PDE1A: variants seen among roughly 807,000 people sequenced by gnomAD.
PDE1A encodes the protein dual specificity calcium/calmodulin-dependent 3',5'-cyclic nucleotide phosphodiesterase 1A.
PDE1A carries 35 observed loss-of-function variants against 61.7 expected under a neutral mutation model. That is an observed-to-expected ratio of 0.57 (90% CI 0.43 to 0.75). PDE1A has a LOEUF of 0.75. Among genes scored for constraint, PDE1A ranks in the 30% least tolerant of loss-of-function variants. The pLI, the probability that PDE1A is intolerant of heterozygous loss-of-function variation, is 0.00. For synonymous variants in PDE1A, 232 were observed against 213.2 expected (o/e 1.09, Z -0.77); for missense variants, 597 against 630.6 (o/e 0.95, Z 0.57).
At chr2:182,312,577 A>G (rs1055258036) in intron 1 of PDE1A, among the ~76,000 whole-genome samples, 1 of 152,122 alleles carries the variant, frequency 6.6e-6, no homozygotes, top group Non-Finnish European at 1.5e-5. Flanking sequence ...CTCTCCACTG[A>G]ATTGCCTTTG....
At chr2:182,140,773 C>T (rs906485145) in exon 15 of PDE1A, 2 of 152,070 alleles carry the variant, frequency 1.3e-5, no homozygotes, top group African/African-American at 4.8e-5. Flanking sequence ...TCCACTCTGA[C>T]TTTCTACTAA....
chr2:182,185,573 A>G (rs1457083077), intron 13 of PDE1A, among the ~76,000 whole-genome samples: 2 of 152,192 alleles, frequency 1.3e-5, no homozygotes, highest in Admixed American at 1.3e-4. Flanking sequence ...GCTGGAAAGC[A>G]CCTCTACGAA....
exon 1 of PDE1A, chr2:182,426,651 T>G: frequency 6.8e-6 from 11 of 1,612,418 alleles, no homozygotes; most frequent in Non-Finnish European, 9.3e-6. Context: ...AGGTTTAACT[T>G]CTTCCTGGAA....
chr2:182,201,621 G>C, intron 9 of PDE1A, 62 bp from the exon 10 acceptor site: 1 of 1,430,786 alleles, frequency 7.0e-7, no homozygotes, highest in African/African-American at 1.5e-5. Flanking sequence ...AGTCTTTTCT[G>C]AGGCCAAGCC....
At chr2:182,704,772 T>C in the PDE1A span, among the ~76,000 whole-genome samples, 16 of 152,208 alleles carry the variant, frequency 1.1e-4, no homozygotes, top group Admixed American at 3.3e-4. Flanking sequence ...CAATCTACTG[T>C]GGTATCACAC....
intron 2 of PDE1A, among the ~76,000 whole-genome samples, chr2:182,258,812 TG>T (rs767887559): frequency 6.6e-6 from 1 of 152,208 alleles, no homozygotes; most frequent in African/African-American, 2.4e-5. Context: ...TTACTCCCTC[TG>T]GTTATCAGTT....
intron 1 of PDE1A, among the ~76,000 whole-genome samples, chr2:182,374,661 CTAGAA>C (rs1304358087): frequency 2.0e-5 from 3 of 152,136 alleles, no homozygotes; most frequent in African/African-American, 7.2e-5. Context: ...GAACATGATA[CTAGAA>C]TAAACACTTC....
the PDE1A span, among the ~76,000 whole-genome samples, chr2:182,586,916 T>G: frequency 2.6e-5 from 4 of 152,200 alleles, no homozygotes; most frequent in Non-Finnish European, 5.9e-5. Flanking sequence ...AGTAATCTGT[T>G]AATTATAATT....
At chr2:182,636,204 C>T in the PDE1A span, among the ~76,000 whole-genome samples, 139 of 152,058 alleles carry the variant, frequency 9.1e-4, no homozygotes, top group Non-Finnish European at 1.7e-3. Context: ...GTGATCTACC[C>T]GCCTCAGCCT....
At chr2:182,255,502 C>T (rs959818733) in intron 2 of PDE1A, among the ~76,000 whole-genome samples, 44 of 152,088 alleles carry the variant, frequency 2.9e-4, no homozygotes, top group Non-Finnish European at 1.5e-4. Flanking sequence ...ACTCTTGCAG[C>T]GCATTTACCC....
At chr2:182,700,739 A>AAAAAAAAAAAAAAAAAAG in the PDE1A span, among the ~76,000 whole-genome samples, 1 of 142,478 alleles carries the variant, frequency 7.0e-6, no homozygotes. Context: ...AAAAAAAAAA[A>AAAAAAAAAAAAAAAAAAG]ACAGAAAGAA....
intron 2 of PDE1A, among the ~76,000 whole-genome samples, chr2:182,436,466 C>T (rs1297335751): frequency 6.6e-6 from 1 of 151,938 alleles, no homozygotes; most frequent in Non-Finnish European, 1.5e-5. Flanking sequence ...TTTATTGCAT[C>T]ATCTACTGCA....
the PDE1A span, among the ~76,000 whole-genome samples, chr2:182,576,135 A>T: frequency 6.6e-6 from 1 of 151,958 alleles, no homozygotes; most frequent in Admixed American, 6.6e-5. Context: ...TCAAATTGTC[A>T]TATAATCATT....
chr2:182,369,501 G>A (rs546144864), intron 1 of PDE1A, among the ~76,000 whole-genome samples: 2 of 152,092 alleles, frequency 1.3e-5, no homozygotes, highest in Non-Finnish European at 2.9e-5. Context: ...AGGGGGAAAC[G>A]TTTCATGGTA....
intron 1 of PDE1A, among the ~76,000 whole-genome samples, chr2:182,360,939 A>C (rs1699468098): frequency 6.6e-6 from 1 of 152,072 alleles, no homozygotes; most frequent in Non-Finnish European, 1.5e-5. Flanking sequence ...TTATCTGTAA[A>C]CAGGAATAAT....
intron 1 of PDE1A, among the ~76,000 whole-genome samples, chr2:182,346,280 A>C (rs1409364471): frequency 6.6e-6 from 1 of 152,204 alleles, no homozygotes; most frequent in Non-Finnish European, 1.5e-5. Context: ...ATTTTAGCTT[A>C]TTCTATGGTT....
chr2:182,388,918 A>G (rs951172523), intron 1 of PDE1A, among the ~76,000 whole-genome samples: 1 of 152,144 alleles, frequency 6.6e-6, no homozygotes, highest in Non-Finnish European at 1.5e-5. Flanking sequence ...TAAGAAAAAA[A>G]GAGAGAAAAC....
chr2:182,280,401 G>T (rs191364019), intron 1 of PDE1A, among the ~76,000 whole-genome samples: 6 of 151,952 alleles, frequency 3.9e-5, no homozygotes, highest in Admixed American at 3.3e-4. Context: ...TGGATTCTAT[G>T]ACCTCACTTC....
At chr2:182,152,097 G>A (rs1329802383) in intron 13 of PDE1A, among the ~76,000 whole-genome samples, 1 of 152,146 alleles carries the variant, frequency 6.6e-6, no homozygotes, top group African/African-American at 2.4e-5. Flanking sequence ...TATTAGCTCT[G>A]AGTAACACTG....
Sources: allele counts gnomAD v4.1 joint callset (sites outside exome capture counted in the v4.1 genomes callset), GRCh38; gene constraint gnomAD v4.1.1; transcripts MANE v1.5; gene names NCBI Gene and HGNC (gene_info 2026-07-23, HGNC 2026-07-21).